Variants in LOC128462377 observed in about 807,000 individuals in gnomAD.
the LOC128462377 span, among the ~76,000 whole-genome samples, chr16:89,347,328 G>A: frequency 2.0e-5 from 3 of 152,138 alleles, no homozygotes; most frequent in African/African-American, 2.4e-5. Context: ...AGTTCCGTTC[G>A]GCCGGGCACA....
chr16:89,318,146 T>C, the LOC128462377 span, among the ~76,000 whole-genome samples: 3 of 152,298 alleles, frequency 2.0e-5, no homozygotes, highest in African/African-American at 7.2e-5. Flanking sequence ...CGACACACGG[T>C]GCGAGCGCAC....
chr16:89,387,120 C>T, the LOC128462377 span, among the ~76,000 whole-genome samples: 2 of 151,790 alleles, frequency 1.3e-5, no homozygotes, highest in South Asian at 2.1e-4. Flanking sequence ...CCAAGAGCAG[C>T]GAGGGTGGGA....
chr16:89,397,131 G>T, the LOC128462377 span, among the ~76,000 whole-genome samples: 1 of 152,050 alleles, frequency 6.6e-6, no homozygotes, highest in Admixed American at 6.5e-5. Flanking sequence ...GTTTCAACTG[G>T]CAAATGCCAG....
At chr16:89,390,611 A>G in the LOC128462377 span, among the ~76,000 whole-genome samples, 1 of 152,210 alleles carries the variant, frequency 6.6e-6, no homozygotes, top group Non-Finnish European at 1.5e-5. Flanking sequence ...AGAGGTGAAA[A>G]GAAAATCTTA....
At chr16:89,384,338 C>T in the LOC128462377 span, among the ~76,000 whole-genome samples, 1 of 152,158 alleles carries the variant, frequency 6.6e-6, no homozygotes, top group African/African-American at 2.4e-5. Flanking sequence ...CGAGACCAGC[C>T]CGTCCAACAT....
At chr16:89,388,664 G>A in the LOC128462377 span, among the ~76,000 whole-genome samples, 1 of 152,188 alleles carries the variant, frequency 6.6e-6, no homozygotes, top group Non-Finnish European at 1.5e-5. Context: ...GCCCTGCGAT[G>A]AGCCGGGGAC....
At chr16:89,394,225 T>C in the LOC128462377 span, among the ~76,000 whole-genome samples, 1 of 152,202 alleles carries the variant, frequency 6.6e-6, no homozygotes. Context: ...ATGGGCACGT[T>C]CTGGGACTGC....
At chr16:89,369,657 T>C in the LOC128462377 span, among the ~76,000 whole-genome samples, 2 of 152,298 alleles carry the variant, frequency 1.3e-5, no homozygotes, top group East Asian at 3.9e-4. Flanking sequence ...GTCCTTGTGG[T>C]GACGCAAGGG....
the LOC128462377 span, among the ~76,000 whole-genome samples, chr16:89,329,410 G>C: frequency 6.6e-6 from 1 of 152,196 alleles, no homozygotes; most frequent in Admixed American, 6.5e-5. Context: ...AAAAAAAAGG[G>C]AGAAAAAACA....
At chr16:89,407,454 T>C in the LOC128462377 span, among the ~76,000 whole-genome samples, 32 of 152,072 alleles carry the variant, frequency 2.1e-4, no homozygotes, top group African/African-American at 6.0e-4. Flanking sequence ...GCAGGGCCCC[T>C]GCCCCAAGCC....
At chr16:89,391,690 G>C in the LOC128462377 span, among the ~76,000 whole-genome samples, 13 of 152,284 alleles carry the variant, frequency 8.5e-5, no homozygotes, top group Admixed American at 4.6e-4. Flanking sequence ...CTCAATCACT[G>C]AGAGGACAAG....
chr16:89,367,268 G>A, the LOC128462377 span, among the ~76,000 whole-genome samples: 188 of 152,338 alleles, frequency 1.2e-3, no homozygotes, highest in South Asian at 2.5e-3. Context: ...GTAGAGCGCC[G>A]CTCCAGACTC....
At chr16:89,408,743 G>T in the LOC128462377 span, among the ~76,000 whole-genome samples, 1 of 152,098 alleles carries the variant, frequency 6.6e-6, no homozygotes, top group East Asian at 1.9e-4. Context: ...TCACTTCACT[G>T]ATCAGCCGTG....
At chr16:89,368,371 G>GTTTTTTTTTTTTTT in the LOC128462377 span, among the ~76,000 whole-genome samples, 2 of 56,612 alleles carry the variant, frequency 3.5e-5, no homozygotes, top group African/African-American at 4.8e-5. Flanking sequence ...TAATTTTTGT[G>GTTTTTTTTTTTTTT]TTTTTTTTTT....
the LOC128462377 span, among the ~76,000 whole-genome samples, chr16:89,365,625 G>T: frequency 6.6e-6 from 1 of 152,142 alleles, no homozygotes; most frequent in African/African-American, 2.4e-5. Flanking sequence ...CTCAAGAAAG[G>T]GAAGAGCAGT....
At chr16:89,340,722 TG>T in the LOC128462377 span, among the ~76,000 whole-genome samples, 53 of 152,292 alleles carry the variant, frequency 3.5e-4, no homozygotes, top group African/African-American at 1.0e-3. Flanking sequence ...TAAACTCAAG[TG>T]CTAACAGGAG....
chr16:89,357,844 G>A, the LOC128462377 span, among the ~76,000 whole-genome samples: 1 of 152,238 alleles, frequency 6.6e-6, no homozygotes, highest in Admixed American at 6.5e-5. Flanking sequence ...TGAAGGTACT[G>A]GAAGCCAGGG....
chr16:89,415,328 G>A, the LOC128462377 span, among the ~76,000 whole-genome samples: 13 of 139,640 alleles, frequency 9.3e-5, no homozygotes, highest in African/African-American at 2.2e-4. Context: ...GCAGTGGTGC[G>A]ATCTCGGTTT....
At chr16:89,325,497 A>G in the LOC128462377 span, among the ~76,000 whole-genome samples, 1 of 151,180 alleles carries the variant, frequency 6.6e-6, no homozygotes, top group African/African-American at 2.4e-5. Flanking sequence ...ACACACACAG[A>G]GTAATAATGT....
Sources: allele counts gnomAD v4.1 joint callset (sites outside exome capture counted in the v4.1 genomes callset), GRCh38; gene constraint gnomAD v4.1.1; transcripts MANE v1.5.